Variants in SMG6 observed in about 807,000 individuals in gnomAD.
SMG6 encodes SMG6 nonsense mediated mRNA decay factor.
In SMG6, 66 loss-of-function variants were observed where a neutral mutation model predicts 142.2. The ratio of observed to expected loss-of-function variants is 0.46; its 90% CI spans 0.38 to 0.57. The LOEUF (loss-of-function observed/expected upper bound fraction) is 0.57. SMG6 is among the 20% of genes least tolerant of loss of function. The probability of loss-of-function intolerance (pLI) is 0.00; values close to 1 mark genes in which losing one functional copy is unlikely to be tolerated. For missense variants in SMG6, 1,793 were observed against 1,832.0 expected (o/e 0.98, Z 0.39); for synonymous variants, 779 against 702.4 (o/e 1.11, Z -1.72).
rs146663439 is a variant in SMG6, at chr17:2,290,688, T to C, written c.2337+1864A>G. On this transcript the variant is annotated intron_variant, in intron 6 of 18. Transcript: ENST00000263073. ...AGACAAGCCACAGTCTGGAAGAAAA[T>C]AGATGCAAATCACACACCTGATAAA... Among the ~76,000 whole-genome samples, 45 of 152,114 alleles carry C rather than the reference T, an allele frequency of 3.0e-4. No homozygotes were observed. The East Asian group carries it at 3.5e-3, about 12-fold the overall frequency.
rs894324141 is a variant in SMG6 at position 2,139,391 on chromosome 17, C to T, written c.3357+33267G>A. Among the ~76,000 whole-genome samples, 12 of 151,610 alleles carry T rather than the reference C, an allele frequency of 7.9e-5. No individual in the cohort carries two copies. In the East Asian group the frequency reaches 1.7e-3, roughly 22 times the overall value. Reference sequence around the variant, plus strand: ...GCTCAGGGTTCTAGTACTATAAGACCGTGTGAAACTTATGGAAAAGTGCCT... The same window carrying T: ...GCTCAGGGTTCTAGTACTATAAGACTGTGTGAAACTTATGGAAAAGTGCCT... On this transcript the variant is annotated intron_variant, in intron 13 of 18. Transcript: ENST00000263073.
At chr17:2,244,811 A>G (rs894457259) in intron 8 of SMG6, 92 bp from the exon 9 acceptor site, 3 of 1,062,008 alleles carry the variant, frequency 2.8e-6, no homozygotes, top group Admixed American at 1.9e-5. Context: ...TAACCTGGCC[A>G]GGGTCTAAGG....
chr17:2,152,665 AAAAC>A (rs1411202530), intron 13 of SMG6, among the ~76,000 whole-genome samples: 1 of 152,248 alleles, frequency 6.6e-6, no homozygotes, highest in Non-Finnish European at 1.5e-5. Context: ...TAATTATTAA[AAAAC>A]AAACAAACTG....
intron 8 of SMG6, among the ~76,000 whole-genome samples, chr17:2,275,321 C>T (rs2074624993): frequency 1.3e-5 from 2 of 152,172 alleles, no homozygotes; most frequent in South Asian, 4.1e-4. Flanking sequence ...ACTCAGGAGG[C>T]TGAGGCTGGA....
chr17:2,136,053 T>C (rs1487864775), intron 13 of SMG6, among the ~76,000 whole-genome samples: 1 of 147,894 alleles, frequency 6.8e-6, no homozygotes, highest in Non-Finnish European at 1.5e-5. Flanking sequence ...TGTGTATATA[T>C]ACAGATATAA....
At chr17:2,086,160 A>G (rs1302120035) in intron 13 of SMG6, among the ~76,000 whole-genome samples, 1 of 152,216 alleles carries the variant, frequency 6.6e-6, no homozygotes, top group African/African-American at 2.4e-5. Context: ...CCCAGGGACC[A>G]GTGACAGGTG....
At chr17:2,248,948 G>A (rs936125838) in intron 8 of SMG6, among the ~76,000 whole-genome samples, 26 of 150,026 alleles carry the variant, frequency 1.7e-4, no homozygotes, top group South Asian at 1.3e-3. Flanking sequence ...GTGCAGTGGC[G>A]CTATCTCAGC....
At chr17:2,099,260 T>C (rs1411417607) in intron 13 of SMG6, among the ~76,000 whole-genome samples, 1 of 151,926 alleles carries the variant, frequency 6.6e-6, no homozygotes. Flanking sequence ...CACTCGGAGA[T>C]GCTACCTTCT....
At chr17:2,282,554 A>C in intron 8 of SMG6, 93 bp downstream of exon 8, 1 of 1,238,510 alleles carries the variant, frequency 8.1e-7, no homozygotes, top group African/African-American at 1.5e-5. Context: ...CCTTGCAATC[A>C]GTGGGAAGTA....
rs1567586695 is a variant in SMG6, at chr17:2,087,160, C to T, written c.3358-1259G>A. 6.2e-6 allele frequency: 8 copies of T among 1,290,492 alleles called. No homozygotes were observed. In the Admixed American group the frequency reaches 6.9e-5, roughly 11 times the overall value. 79.9% of individuals were successfully genotyped at this position (1,290,492 alleles called of 1,614,324 possible). On this transcript the variant is annotated intron_variant, in intron 13 of 18. Transcript: ENST00000263073. Reference sequence around the variant, plus strand: ...ACCCCTCTGGTGGCAAAGCCTAAATCTCATCGTTTTCGTACGTCACTGGCA... The same window carrying T: ...ACCCCTCTGGTGGCAAAGCCTAAATTTCATCGTTTTCGTACGTCACTGGCA...
chr17:2,096,924 A>G (rs970591988), intron 13 of SMG6, among the ~76,000 whole-genome samples: 3 of 152,156 alleles, frequency 2.0e-5, no homozygotes, highest in Non-Finnish European at 2.9e-5. Context: ...CTCTGACTCC[A>G]TTAGCAGCCC....
intron 12 of SMG6, among the ~76,000 whole-genome samples, chr17:2,179,696 C>T (rs377625098): frequency 1.3e-3 from 191 of 152,224 alleles, no homozygotes; most frequent in African/African-American, 4.4e-3. Context: ...TGGTGAAACG[C>T]GGGCTCTCCA....
intron 13 of SMG6, among the ~76,000 whole-genome samples, chr17:2,155,188 G>C (rs2070963624): frequency 1.3e-5 from 2 of 151,906 alleles, no homozygotes; most frequent in Admixed American, 6.6e-5. Context: ...TAGCAGCTGG[G>C]ATTACTGGGA....
intron 13 of SMG6, among the ~76,000 whole-genome samples, chr17:2,169,085 C>T (rs925448097): frequency 6.6e-6 from 1 of 151,256 alleles, no homozygotes; most frequent in African/African-American, 2.4e-5. Context: ...CATGGTGGCA[C>T]ATGCCTATAG....
At chr17:2,290,254 G>C (rs750977183) in intron 6 of SMG6, among the ~76,000 whole-genome samples, 2 of 152,300 alleles carry the variant, frequency 1.3e-5, no homozygotes, top group Non-Finnish European at 2.9e-5. Context: ...AGACAGTGTG[G>C]TACTGACCAA....
chr17:2,080,572 T>A (rs759953722), intron 15 of SMG6, among the ~76,000 whole-genome samples: 1 of 152,174 alleles, frequency 6.6e-6, no homozygotes, highest in Non-Finnish European at 1.5e-5. Context: ...GTGCTTTACA[T>A]ACACTGTCTC....
At chr17:2,289,703 A>G (rs949653128) in intron 6 of SMG6, among the ~76,000 whole-genome samples, 16 of 152,020 alleles carry the variant, frequency 1.1e-4, no homozygotes, top group Admixed American at 1.0e-3. Context: ...TTGAGGTCAC[A>G]AGTTCAAGAC....
chr17:2,299,910 G>A lies in SMG6; in HGVS notation c.843C>T (p.Arg281=), dbSNP rs1045394839. The A allele has an allele frequency of 6.2e-7, 1 of 1,611,448 alleles. No individual in the cohort carries two copies. The change falls in exon 2 of 19, where the codon CGC becomes CGT. Residue 281 remains arginine, a synonymous_variant. Coordinates refer to ENST00000263073, the MANE Select transcript of SMG6 (RefSeq NM_017575.5). This position sits in a 1 kb window ranked among gnomAD's most constrained non-coding sequence, Gnocchi z 4.3. ...GCCTCTCCTTGGTCCTATCCTGTCG[G>A]CGGCGGCGACATCCATTATCCGTCA... The part of the protein sequence containing the change: ...AGLTDNGCRR[R]RQDRTKERPR...
intron 8 of SMG6, among the ~76,000 whole-genome samples, chr17:2,263,997 G>C (rs948685767): frequency 6.6e-6 from 1 of 151,940 alleles, no homozygotes; most frequent in South Asian, 2.1e-4. Flanking sequence ...GGTGAGAAAC[G>C]CAACACGGGA....
Sources: allele counts gnomAD v4.1 joint callset (sites outside exome capture counted in the v4.1 genomes callset), GRCh38; gene constraint gnomAD v4.1.1; non-coding constraint Gnocchi (gnomAD v3.1); transcripts MANE v1.5; gene names NCBI Gene and HGNC (gene_info 2026-07-23, HGNC 2026-07-21).